Variants in IQSEC1 observed in about 807,000 individuals in gnomAD.
IQSEC1 encodes IQ motif and SEC7 domain-containing protein 1.
A neutral mutation model predicts 91.0 loss-of-function variants in IQSEC1; 31 were observed. The ratio of observed to expected loss-of-function variants is 0.34; its 90% CI spans 0.26 to 0.46. IQSEC1 has a LOEUF of 0.46. Ranked by LOEUF, IQSEC1 falls within the 20% of genes least tolerant of loss-of-function variation. IQSEC1 has a pLI of 1.00. For missense variants in IQSEC1, 1,388 were observed against 1,575.6 expected, an observed-to-expected ratio of 0.88 and a Z score of 2.02; for synonymous variants, 699 against 662.6, an observed-to-expected ratio of 1.05 and a Z score of -0.84.
intron 2 of IQSEC1, among the ~76,000 whole-genome samples, chr3:13,088,959 G>A: frequency 6.6e-6 from 1 of 152,266 alleles, no homozygotes; most frequent in East Asian, 1.9e-4. Flanking sequence ...GGGCTGGACA[G>A]AGACAGCAGC....
intron 1 of IQSEC1, among the ~76,000 whole-genome samples, chr3:13,025,902 T>C (rs1020659198): frequency 6.6e-6 from 1 of 152,158 alleles, no homozygotes; most frequent in Non-Finnish European, 1.5e-5. Context: ...CACCCCCAAG[T>C]GGCCCCCACT....
Position 13,073,354 on chromosome 3 carries a change from A to G in IQSEC1, c.-340T>C, listed in dbSNP as rs1705499343. On this transcript the variant is annotated 5_prime_UTR_variant, in exon 1 of 14. It removes an upstream start codon present in the reference 5' UTR. Coordinates refer to ENST00000613206, the MANE Select transcript of IQSEC1 (RefSeq NM_001134382.3). The stretch of plus-strand genomic sequence containing the variant: ...ACCTTGGGGTTTTTCCCTCCCGTCC[A>G]TCCGGGGTGCGGGGCGCGGGGATGA... 6.6e-6 allele frequency among the ~76,000 whole-genome samples: 1 copy of G among 152,146 alleles called. No individual in the cohort carries two copies. Among genetic ancestry groups the G allele is most frequent in the Non-Finnish European group, 1.5e-5 (1 of 68,016 alleles).
intron 1 of IQSEC1, among the ~76,000 whole-genome samples, chr3:13,018,455 C>T (rs899930180): frequency 3.3e-5 from 5 of 152,250 alleles, no homozygotes; most frequent in African/African-American, 4.8e-5. Context: ...GAGGCTCAAA[C>T]GCCCCATTGG....
intron 3 of IQSEC1, among the ~76,000 whole-genome samples, chr3:12,934,846 C>A (rs1392741827): frequency 6.6e-6 from 1 of 152,122 alleles, no homozygotes; most frequent in Non-Finnish European, 1.5e-5. Context: ...ACTCATGCAT[C>A]TCCCCAAGAC....
intron 1 of IQSEC1, among the ~76,000 whole-genome samples, chr3:13,165,519 T>TG (rs1419180601): frequency 3.3e-4 from 16 of 48,884 alleles, no homozygotes; most frequent in Non-Finnish European, 4.8e-4. Flanking sequence ...AGCGGGGGGG[T>TG]GGGGGGTGGG....
At position 12,935,579 on chromosome 3, in the gene IQSEC1, G is replaced by T. The variant is rs1559641967; in HGVS notation, c.1437C>A (p.Asp479Glu). 1 of 1,614,136 alleles carries T rather than the reference G, an allele frequency of 6.2e-7. No individual in the cohort carries two copies. Among genetic ancestry groups the T allele is most frequent in the Non-Finnish European group, 8.5e-7 (1 of 1,180,030 alleles). Residue 479 changes from aspartate (D) to glutamate (E), a missense_variant, in exon 3 of 14, where the codon GAC becomes GAA. Physicochemically the swap from Asp to Glu is conservative, Grantham distance 45. This residue lies in a region of IQSEC1 where 1,059 missense variants were observed against 1,317.8 expected (regional missense o/e 0.80). Coordinates refer to ENST00000613206, the MANE Select transcript of IQSEC1 (RefSeq NM_001134382.3). This position sits in a 1 kb window ranked among gnomAD's most constrained non-coding sequence, Gnocchi z 8.0. Reference sequence around the variant, plus strand: ...TGCTGAGCGTCTGCTCCCGCAGGCTGTCACGGGACGATGACTCGGAGCTGC... The same window carrying T: ...TGCTGAGCGTCTGCTCCCGCAGGCTTTCACGGGACGATGACTCGGAGCTGC... ...INCSSESSSR[D>E]SLREQTLSKQ...
At position 13,185,641 on chromosome 3, in the gene IQSEC1, G is replaced by A. The variant is rs536654373; in HGVS notation, c.273-21508C>T. 1.2e-4 allele frequency among the ~76,000 whole-genome samples: 19 copies of A among 152,330 alleles called. No homozygotes were observed. In the East Asian group the frequency reaches 1.7e-3, roughly 14 times the overall value. ...AGAGACAAACCCAAAGATAAAGGCT[G>A]GAACGTTGCTGTAGCTAGAAGGACT... On this transcript the variant is annotated intron_variant, in intron 1 of 15. Transcript: ENST00000648114.
intron 12 of IQSEC1, among the ~76,000 whole-genome samples, chr3:12,906,739 G>A (rs890245089): frequency 2.6e-5 from 4 of 152,246 alleles, no homozygotes; most frequent in Non-Finnish European, 4.4e-5. Context: ...GGACAGCTGA[G>A]GTCCTGACTG....
rs1300192307 is a variant in IQSEC1, at chr3:12,897,709, C to T, written c.*3274G>A. 2.0e-5 allele frequency: 3 copies of T among 152,216 alleles called. No homozygotes were observed. The highest frequency in any genetic ancestry group is 4.4e-5 in the Non-Finnish European group (3 of 68,054). 9.4% of individuals were successfully genotyped at this position (152,216 alleles called of 1,614,324 possible). ...AGAACTGTAAGACTGTGCGTGCTTACCTGCGGGCACAGAGCTTCCCGTGGC... is the reference window on the plus strand; with the variant it reads ...AGAACTGTAAGACTGTGCGTGCTTATCTGCGGGCACAGAGCTTCCCGTGGC... On this transcript the variant is annotated 3_prime_UTR_variant, in exon 14 of 14. Transcript: ENST00000613206.
chr3:13,087,334 A>G (rs760083074), intron 2 of IQSEC1, among the ~76,000 whole-genome samples: 10 of 152,244 alleles, frequency 6.6e-5, no homozygotes, highest in Non-Finnish European at 1.5e-4. Context: ...GCAAGAAAGA[A>G]TAACTCAGAG....
intron 2 of IQSEC1, among the ~76,000 whole-genome samples, chr3:13,083,656 C>G (rs1280495266): frequency 6.6e-6 from 1 of 152,258 alleles, no homozygotes; most frequent in Non-Finnish European, 1.5e-5. Context: ...CTCTAGGCAG[C>G]CTTGCTAGAT....
intron 1 of IQSEC1, among the ~76,000 whole-genome samples, chr3:13,040,443 C>G (rs1336320806): frequency 6.6e-6 from 1 of 152,238 alleles, no homozygotes; most frequent in Non-Finnish European, 1.5e-5. Context: ...AGAACAAGAG[C>G]ACAGGCTCTG....
intron 1 of IQSEC1, among the ~76,000 whole-genome samples, chr3:13,071,153 G>GTTTTTTTT (rs796412810): frequency 1.8e-4 from 16 of 90,964 alleles, no homozygotes; most frequent in Non-Finnish European, 2.1e-4. Context: ...GTTTTTTTTT[G>GTTTTTTTT]TTTTTTTTTT....
chr3:13,112,186 A>G (rs1576255341), intron 2 of IQSEC1, among the ~76,000 whole-genome samples: 1 of 152,216 alleles, frequency 6.6e-6, no homozygotes, highest in African/African-American at 2.4e-5. Flanking sequence ...AAACACACAG[A>G]GGGAGTTAGC....
rs777249216 is a variant in IQSEC1 at position 12,911,699 on chromosome 3, GTTC to G, written c.2343_2345del (p.Lys781del). On this transcript the variant is annotated inframe_deletion, in exon 10 of 14. Transcript: ENST00000613206. Reference sequence around the variant, plus strand: ...ACTGTCGGAAGCTGTACGTCACCGAGTTCTTCTTCTTCTGGAAGATCTTGGTGA... The same window carrying G: ...ACTGTCGGAAGCTGTACGTCACCGAGTTCTTCTTCTGGAAGATCTTGGTGA... 11 of 1,613,546 alleles carry G rather than the reference GTTC, an allele frequency of 6.8e-6. No individual in the cohort carries two copies. The highest frequency in any genetic ancestry group is 1.1e-5 in the South Asian group (1 of 91,084).
intron 1 of IQSEC1, among the ~76,000 whole-genome samples, chr3:12,953,625 CGAG>C: frequency 6.6e-6 from 1 of 152,334 alleles, no homozygotes; most frequent in East Asian, 1.9e-4. Flanking sequence ...GCAGACGGCA[CGAG>C]GAGTCGGGCA....
At chr3:13,057,757 A>G (rs1704928779) in intron 1 of IQSEC1, among the ~76,000 whole-genome samples, 1 of 152,216 alleles carries the variant, frequency 6.6e-6, no homozygotes, top group Non-Finnish European at 1.5e-5. Context: ...ATGCTCCTCC[A>G]TCCTGCCAAA....
At chr3:13,188,408 A>C (rs1044897383) in intron 1 of IQSEC1, among the ~76,000 whole-genome samples, 3 of 152,246 alleles carry the variant, frequency 2.0e-5, no homozygotes, top group Admixed American at 6.5e-5. Context: ...TAAGAGTCAT[A>C]GTCAACATCA....
At chr3:12,964,016 G>A (rs922887872) in intron 1 of IQSEC1, among the ~76,000 whole-genome samples, 4 of 152,212 alleles carry the variant, frequency 2.6e-5, no homozygotes, top group Non-Finnish European at 4.4e-5. Flanking sequence ...GGCAGGCATC[G>A]GGGTACTAGC....
Sources: gnomAD v4.1 joint callset for allele counts (sites outside exome capture counted in the v4.1 genomes callset) on GRCh38, gnomAD v4.1.1 for gene constraint, gnomAD v4.1.1 regional missense constraint, Gnocchi (gnomAD v3.1) non-coding constraint, MANE v1.5 for transcripts, NCBI Gene and HGNC (gene_info 2026-07-23, HGNC 2026-07-21) for gene names.